NEK9: variants seen among roughly 807,000 people sequenced by gnomAD.
NEK9 encodes the protein serine/threonine-protein kinase Nek9.
In NEK9, 75 loss-of-function variants were observed where a neutral mutation model predicts 123.4. That is an observed-to-expected ratio of 0.61 (90% confidence interval 0.50 to 0.74). The LOEUF (loss-of-function observed/expected upper bound fraction) is 0.74, where lower values mean the gene tolerates loss of function less well. Among genes scored for constraint, NEK9 ranks in the 30% least tolerant of loss-of-function variants. NEK9 has a pLI of 0.00. For missense variants in NEK9, 952 were observed against 1,214.4 expected (o/e 0.78, Z 3.21); for synonymous variants, 438 against 458.7 (o/e 0.95, Z 0.58).
rs1184023294 is a variant in NEK9 at position 75,103,861 on chromosome 14, G to A, written c.1712C>T (p.Ser571Leu). ...ACTCACTTCATGGTTGATAATTCCCGACATGCACTGATTCAGACCCAGCTT... is the reference window on the plus strand; with the variant it reads ...ACTCACTTCATGGTTGATAATTCCCAACATGCACTGATTCAGACCCAGCTT... ...FNKLGLNQCM[S>L]GIINHEAYHE... Residue 571 changes from serine (S) to leucine (L), a missense_variant, in exon 14 of 22, where the codon TCG (serine) becomes TTG (leucine). By Grantham distance (145) the Ser-to-Leu change is moderately radical. Transcript: ENST00000238616. 5.6e-6 allele frequency: 9 copies of A among 1,612,982 alleles called. No homozygotes were observed. Among genetic ancestry groups the A allele is most frequent in the Admixed American group, 1.7e-5 (1 of 59,754 alleles).
intron 18 of NEK9, among the ~76,000 whole-genome samples, chr14:75,092,272 A>ATTTT (rs4026177): frequency 7.1e-6 from 1 of 141,452 alleles, no homozygotes; most frequent in African/African-American, 2.6e-5. Context: ...GCACCCAGCA[A>ATTTT]TTTTTTTTTT....
chr14:75,117,405 T>C, intron 5 of NEK9, 79 bp from the exon 6 acceptor site: 1 of 1,471,104 alleles, frequency 6.8e-7, no homozygotes, highest in Non-Finnish European at 9.1e-7. Flanking sequence ...TTAATTAAAT[T>C]TCCTAGGAAC....
In NEK9 at chr14:75,106,615, A is replaced by G; in HGVS notation, c.1415T>C (p.Met472Thr). 1.2e-6 allele frequency: 2 copies of G among 1,614,132 alleles called. No individual in the cohort carries two copies. The highest frequency in any genetic ancestry group is 1.7e-6 in the Non-Finnish European group (2 of 1,180,016). The change falls in exon 12 of 22, where the codon ATG (methionine) becomes ACG (threonine). Residue 472 changes from methionine to threonine, a missense_variant. Around this residue, in one of 4 missense-constraint regions of NEK9, gnomAD observed 698 missense variants for 875.6 expected, o/e 0.80. Transcript: ENST00000238616. ...KVAGPEVLEP[M>T]QLNFFLSNPV... ...ATTGCTGAGGAAGAAGTTCAGCTGC[A>G]TGGGTTCTAGCACTTCAGGGCCAGC...
rs1034768350 is a variant in NEK9, at chr14:75,080,599, T to A, written c.*3965A>T. On this transcript the variant is annotated 3_prime_UTR_variant, in exon 22 of 22. Coordinates refer to ENST00000238616, the MANE Select transcript of NEK9 (RefSeq NM_033116.6). ...ACGGGGAAACTCCTCATGTGGAAAC[T>A]CATTTCATTAAAAATGTATGCAGAT... The A allele has an allele frequency of 2.0e-5, 3 of 152,022 alleles. No individual in the cohort carries two copies. The highest frequency in any genetic ancestry group is 7.2e-5 in the African/African-American group (3 of 41,414). 9.4% of individuals were successfully genotyped at this position (152,022 alleles called of 1,614,324 possible).
chr14:75,106,746 T>G (rs776559880), intron 11 of NEK9, 44 bp from the exon 12 acceptor site: 1 of 1,518,638 alleles, frequency 6.6e-7, no homozygotes, highest in Non-Finnish European at 9.0e-7. Context: ...GACTGACTTA[T>G]TTTATCTAAT....
intron 14 of NEK9, 103 bp from the exon 15 acceptor site, chr14:75,101,868 G>T (rs1894595219): frequency 4.0e-6 from 3 of 751,918 alleles, no homozygotes; most frequent in Non-Finnish European, 7.0e-6. Context: ...GGCCTTTCAA[G>T]TAAGTTATAT....
At chr14:75,115,407 G>A (rs189682512) in intron 6 of NEK9, among the ~76,000 whole-genome samples, 40 of 152,126 alleles carry the variant, frequency 2.6e-4, no homozygotes, top group Non-Finnish European at 5.0e-4. Flanking sequence ...ATGAGCCACC[G>A]CGCCCAGCCT....
chr14:75,090,131 C>A (rs1389612930), intron 19 of NEK9, among the ~76,000 whole-genome samples: 1 of 151,754 alleles, frequency 6.6e-6, no homozygotes, highest in Non-Finnish European at 1.5e-5. Context: ...CCATGCCTGG[C>A]CCTGGCCTTA....
chr14:75,085,271 G>A (rs1286437975), intron 21 of NEK9, among the ~76,000 whole-genome samples: 1 of 152,222 alleles, frequency 6.6e-6, no homozygotes, highest in Admixed American at 6.5e-5. Context: ...GATTACAGGT[G>A]TGAGCCACCG....
intron 16 of NEK9, among the ~76,000 whole-genome samples, chr14:75,099,926 C>T (rs1391034065): frequency 2.0e-5 from 3 of 151,174 alleles, no homozygotes; most frequent in African/African-American, 7.3e-5. Flanking sequence ...GTCAGGAGTT[C>T]GAGACCAGCC....
chr14:75,096,076 G>A (rs1894371911), intron 17 of NEK9, among the ~76,000 whole-genome samples: 1 of 151,980 alleles, frequency 6.6e-6, no homozygotes, highest in Non-Finnish European at 1.5e-5. Context: ...GAGGTCAGGA[G>A]TTCAAGACCA....
At chr14:75,115,051 A>C (rs1895086696) in intron 6 of NEK9, among the ~76,000 whole-genome samples, 1 of 132,392 alleles carries the variant, frequency 7.6e-6, no homozygotes, top group Non-Finnish European at 1.7e-5. Flanking sequence ...GCATGTGTAC[A>C]TGTACACACA....
chr14:75,079,547 G>A lies in NEK9; in HGVS notation c.*5017C>T, dbSNP rs175489. The A allele has an allele frequency of 0.99, 150,710 of 152,378 alleles. 74,542 individuals carry two copies. Among genetic ancestry groups the A allele is most frequent in the East Asian group, 1 (5,196 of 5,196 alleles). The allele number at this position is 152,378 out of a possible 1,614,324, so 9.4% of individuals were successfully genotyped here. ...CAGTACATTGCAATAGATGGCAAGA[G>A]TAAGCTGTGGCCAAGGTCACAAAAT... On this transcript the variant is annotated 3_prime_UTR_variant, in exon 22 of 22. Transcript: ENST00000238616.
chr14:75,113,660 T>C (rs1388766653), intron 7 of NEK9, among the ~76,000 whole-genome samples: 3 of 152,188 alleles, frequency 2.0e-5, no homozygotes, highest in Non-Finnish European at 4.4e-5. Flanking sequence ...AACAGAAGAA[T>C]TACCTGAGGT....
intron 1 of NEK9, among the ~76,000 whole-genome samples, chr14:75,124,774 T>C (rs1895462462): frequency 7.8e-6 from 1 of 128,548 alleles, no homozygotes; most frequent in African/African-American, 2.7e-5. Context: ...ATGTCTACTA[T>C]CTTTTTTTTT....
intron 16 of NEK9, among the ~76,000 whole-genome samples, chr14:75,098,445 G>A (rs145317290): frequency 1.3e-5 from 2 of 152,246 alleles, no homozygotes; most frequent in Non-Finnish European, 2.9e-5. Flanking sequence ...TCAAGTTGAG[G>A]AGCTGTTGAA....
chr14:75,084,258 T>C lies in NEK9; in HGVS notation c.*306A>G. 3.3e-6 allele frequency: 1 copy of C among 303,882 alleles called. No homozygotes were observed. Among genetic ancestry groups the C allele is most frequent in the South Asian group, 4.6e-5 (1 of 21,514 alleles). The allele number at this position is 303,882 out of a possible 1,614,324, so 18.8% of individuals were successfully genotyped here. On this transcript the variant is annotated 3_prime_UTR_variant, in exon 22 of 22. Transcript: ENST00000238616. ...CTACCAGCGCAATTAAGGTGAGCAC[T>C]GTGTCTCCTCTTCAAAGGTGGGATC...
intron 8 of NEK9, among the ~76,000 whole-genome samples, chr14:75,111,171 G>A (rs985073761): frequency 4.6e-5 from 7 of 152,028 alleles, no homozygotes; most frequent in African/African-American, 9.7e-5. Context: ...ACTACCTCTT[G>A]AATTAACCAC....
chr14:75,088,013 G>A (rs920347011), intron 20 of NEK9, among the ~76,000 whole-genome samples: 3 of 152,154 alleles, frequency 2.0e-5, no homozygotes, highest in African/African-American at 7.2e-5. Flanking sequence ...CCTTTAATAG[G>A]AAAAGTCTAA....
Sources: gnomAD v4.1 joint callset for allele counts (sites outside exome capture counted in the v4.1 genomes callset) on GRCh38, gnomAD v4.1.1 for gene constraint, gnomAD v4.1.1 regional missense constraint, MANE v1.5 for transcripts, NCBI Gene and HGNC (gene_info 2026-07-23, HGNC 2026-07-21) for gene names.